SEC23IP: variants seen among roughly 807,000 people sequenced by gnomAD.
The protein encoded by SEC23IP is SEC23-interacting protein.
In SEC23IP, 70 loss-of-function variants were observed where a neutral mutation model predicts 113.4. The observed-to-expected ratio is 0.62, with a 90% CI of 0.51 to 0.75. The LOEUF is 0.75. Ranked by LOEUF, SEC23IP falls within the 30% of genes least tolerant of loss-of-function variation. The pLI, the probability that SEC23IP is intolerant of heterozygous loss-of-function variation, is 0.00. For synonymous variants in SEC23IP, 398 were observed against 421.0 expected (o/e 0.95, Z 0.67); for missense variants, 1,160 against 1,204.9 (o/e 0.96, Z 0.55).
rs757094013 is a variant in SEC23IP at position 119,918,412 on chromosome 10, C to T, written c.1773C>T (p.Asp591=). 3 of 1,605,492 alleles carry T rather than the reference C, an allele frequency of 1.9e-6. No homozygotes were observed. Among genetic ancestry groups the T allele is most frequent in the East Asian group, 2.2e-5 (1 of 44,818 alleles). The stretch of plus-strand genomic sequence containing the variant: ...TCATAGGTTCTTTAATATTGTTTGA[C>T]ATCCTGTCTAATCAAAAAGATTTGA... ...GHSLGSLILF[D]ILSNQKDLNL... is the part of the protein sequence containing the mutation. The change falls in exon 10 of 19, where the codon GAC becomes GAT. Residue 591 remains aspartate, a synonymous_variant. Transcript: ENST00000369075.
At chr10:119,894,922 G>A (rs1468831207) in intron 1 of SEC23IP, among the ~76,000 whole-genome samples, 2 of 151,832 alleles carry the variant, frequency 1.3e-5, no homozygotes, top group African/African-American at 4.8e-5. Flanking sequence ...GTGTGTGTGT[G>A]TGTGTGTGTG....
chr10:119,920,925 A>G lies in SEC23IP; in HGVS notation c.2062A>G (p.Ile688Val). ...CTVDDLKEMG[I>V]PLGPRKKIAN... ...AGTTGATGACCTGAAGGAAATGGGG[A>G]TACCCCTTGGACCCAGAAAGAAGAT... The change falls in exon 12 of 19, where the codon ATA (isoleucine) becomes GTA (valine). Residue 688 changes from isoleucine (I) to valine (V), a missense_variant. Transcript: ENST00000369075. The G allele has an allele frequency of 6.2e-7, 1 of 1,613,772 alleles. No individual in the cohort carries two copies. Among genetic ancestry groups the G allele is most frequent in the Non-Finnish European group, 8.5e-7 (1 of 1,179,734 alleles).
At chr10:119,906,090 A>G (rs776278840) in intron 4 of SEC23IP, among the ~76,000 whole-genome samples, 1 of 151,982 alleles carries the variant, frequency 6.6e-6, no homozygotes, top group Non-Finnish European at 1.5e-5. Context: ...AGCCTGGACA[A>G]CATGGAAAAA....
At chr10:119,918,338 T>C in intron 9 of SEC23IP, 55 bp from the exon 10 acceptor site, 1 of 1,027,368 alleles carries the variant, frequency 9.7e-7, no homozygotes, top group South Asian at 1.3e-5. Context: ...GAAAAAAGAA[T>C]TAGTGTTATA....
intron 1 of SEC23IP, among the ~76,000 whole-genome samples, chr10:119,894,654 T>C (rs1464687145): frequency 1.3e-5 from 2 of 152,182 alleles, no homozygotes; most frequent in Non-Finnish European, 2.9e-5. Context: ...TTGCTGTCTT[T>C]GGTGAAGAAC....
chr10:119,935,832 GGTAAA>G (rs758020043), intron 18 of SEC23IP, among the ~76,000 whole-genome samples: 3 of 152,182 alleles, frequency 2.0e-5, no homozygotes, highest in African/African-American at 4.8e-5. Flanking sequence ...CCCCTTCACG[GGTAAA>G]GTAAAGTGTC....
chr10:119,926,184 C>G lies in SEC23IP; in HGVS notation c.2270C>G (p.Ser757Cys), dbSNP rs185606010. 4 of 1,614,076 alleles carry G rather than the reference C, an allele frequency of 2.5e-6. No individual in the cohort carries two copies. The highest frequency in any genetic ancestry group is 3.4e-6 in the Non-Finnish European group (4 of 1,179,998). Residue 757 changes from serine (S) to cysteine (C), a missense_variant, in exon 13 of 19, where the codon TCT (serine) becomes TGT (cysteine). Coordinates refer to ENST00000369075, the MANE Select transcript of SEC23IP (RefSeq NM_007190.4). The stretch of plus-strand genomic sequence containing the variant: ...CTTCCAGTTGGTGCTTGCGTGTCTT[C>G]TGTGTGTGTGAATTATGAATCTTTT... ...RKLPVGACVS[S>C]VCVNYESFEV...
chr10:119,939,638 G>T (rs1183653673), intron 18 of SEC23IP, among the ~76,000 whole-genome samples: 2 of 152,084 alleles, frequency 1.3e-5, no homozygotes, highest in South Asian at 4.1e-4. Context: ...TCGTGCCATT[G>T]CACTCCTGCC....
Position 119,898,707 on chromosome 10 carries a change from A to G in SEC23IP, c.444A>G (p.Ser148=), listed in dbSNP as rs773740923. 6.2e-7 allele frequency: 1 copy of G among 1,614,140 alleles called. No individual in the cohort carries two copies. Among genetic ancestry groups the G allele is most frequent in the South Asian group, 1.1e-5 (1 of 91,082 alleles). ...SKAQPGAPPS[S]LMGINSYLPS... Reference sequence around the variant, plus strand: ...CTCAACCTGGTGCTCCACCTTCCTCACTGATGGGAATAAATTCTTATCTGC... The same window carrying G: ...CTCAACCTGGTGCTCCACCTTCCTCGCTGATGGGAATAAATTCTTATCTGC... The change falls in exon 2 of 19, where the codon TCA becomes TCG. Residue 148 remains serine (S), a synonymous_variant. Coordinates refer to ENST00000369075, the MANE Select transcript of SEC23IP (RefSeq NM_007190.4).
rs758874772 is a variant in SEC23IP at position 119,933,658 on chromosome 10, TA to T, written c.2922-26del. ...AAGTTAATTTCTTCTAATTGTCTCT[TA>T]AGTAAATATGCTTTTCCTTTTCATA... On this transcript the variant is annotated intron_variant, in intron 17 of 18. Coordinates refer to ENST00000369075, the MANE Select transcript of SEC23IP (RefSeq NM_007190.4). The T allele has an allele frequency of 3.6e-5, 45 of 1,242,936 alleles. No individual in the cohort carries two copies. The African/African-American group carries it at 6.5e-4, about 18-fold the overall frequency. 77.0% of individuals were successfully genotyped at this position (1,242,936 alleles called of 1,614,324 possible). A position where few individuals can be genotyped will look rare whatever the true frequency, so the allele number is the denominator to read the frequency against.
chr10:119,918,109 A>G (rs1160245472), intron 9 of SEC23IP, 65 bp downstream of exon 9: 3 of 1,298,210 alleles, frequency 2.3e-6, no homozygotes, highest in Non-Finnish European at 2.2e-6. Flanking sequence ...CTTTCAGTGT[A>G]GGTGATATTG....
intron 18 of SEC23IP, among the ~76,000 whole-genome samples, chr10:119,939,183 A>T (rs1306654063): frequency 6.6e-6 from 1 of 151,734 alleles, no homozygotes; most frequent in South Asian, 2.1e-4. Flanking sequence ...CTGGGGCATG[A>T]TGGTGTGCAC....
At chr10:119,903,056 G>C in intron 3 of SEC23IP, 47 bp downstream of exon 3, 1 of 1,432,692 alleles carries the variant, frequency 7.0e-7, no homozygotes, top group South Asian at 1.2e-5. Flanking sequence ...AGGAAGAGAA[G>C]GAATGAGATC....
chr10:119,936,418 G>A (rs1224105675), intron 18 of SEC23IP, among the ~76,000 whole-genome samples: 1 of 151,588 alleles, frequency 6.6e-6, no homozygotes, highest in East Asian at 1.9e-4. Flanking sequence ...AATTAGCAGG[G>A]TGTGATCTCA....
intron 5 of SEC23IP, among the ~76,000 whole-genome samples, chr10:119,909,676 T>A (rs1318093209): frequency 2.0e-5 from 3 of 152,216 alleles, no homozygotes; most frequent in African/African-American, 7.2e-5. Flanking sequence ...GTGGGAAGAT[T>A]GCTTTAGGCT....
chr10:119,929,741 G>T lies in SEC23IP; in HGVS notation c.2448G>T (p.Gly816=), dbSNP rs1855532669. 1 of 1,595,134 alleles carries T rather than the reference G, an allele frequency of 6.3e-7. No individual in the cohort carries two copies. Among genetic ancestry groups the T allele is most frequent in the Non-Finnish European group, 8.6e-7 (1 of 1,164,876 alleles). ...DENYSLPTCK[G]FFNIYHPLDP... ...ATTACAGCCTTCCTACCTGTAAAGG[G>T]TTCTTCAATATTTATCATCCGGTGA... The change falls in exon 14 of 19, where the codon GGG becomes GGT. Residue 816 remains glycine, a synonymous_variant. Transcript: ENST00000369075.
chr10:119,918,573 A>G (rs2134496827), intron 10 of SEC23IP, 62 bp downstream of exon 10: 1 of 968,216 alleles, frequency 1.0e-6, no homozygotes, highest in Non-Finnish European at 1.7e-6. Context: ...AACAATTTTC[A>G]AAAGTCTGAA....
At chr10:119,926,299 T>C in intron 13 of SEC23IP, 72 bp downstream of exon 13, 1 of 1,345,002 alleles carries the variant, frequency 7.4e-7, no homozygotes, top group Non-Finnish European at 1.0e-6. Flanking sequence ...GGGTTGGCTT[T>C]AAGTTCTTTA....
At chr10:119,920,362 T>C (rs1855210049) in intron 11 of SEC23IP, among the ~76,000 whole-genome samples, 1 of 152,216 alleles carries the variant, frequency 6.6e-6, no homozygotes, top group Non-Finnish European at 1.5e-5. Flanking sequence ...AGTAGGGTGC[T>C]AGTGAAATCA....
Sources: gnomAD v4.1 joint callset for allele counts (sites outside exome capture counted in the v4.1 genomes callset) on GRCh38, gnomAD v4.1.1 for gene constraint, MANE v1.5 for transcripts, NCBI Gene and HGNC (gene_info 2026-07-23, HGNC 2026-07-21) for gene names.